XPR1: variants seen among roughly 807,000 people sequenced by gnomAD.
The protein encoded by XPR1 is solute carrier family 53 member 1.
In XPR1, 28 loss-of-function variants were observed where a neutral mutation model predicts 87.5. The ratio of observed to expected loss-of-function variants is 0.32; its 90% confidence interval spans 0.24 to 0.44. The LOEUF (loss-of-function observed/expected upper bound fraction) is 0.44, where lower values mean the gene tolerates loss of function less well. XPR1 is among the 20% of genes least tolerant of loss of function. XPR1 has a pLI of 1.00. For missense variants in XPR1, 559 were observed against 862.3 expected, an observed-to-expected ratio of 0.65 and a Z score of 4.41; for synonymous variants, 300 against 306.1, an observed-to-expected ratio of 0.98 and a Z score of 0.21.
At chr1:180,734,469 G>A (rs1276395385) in intron 2 of XPR1, among the ~76,000 whole-genome samples, 2 of 152,174 alleles carry the variant, frequency 1.3e-5, no homozygotes, top group East Asian at 3.9e-4. Flanking sequence ...TGAGGGGTCT[G>A]GCATCTTATT....
intron 2 of XPR1, among the ~76,000 whole-genome samples, chr1:180,710,465 C>G: frequency 6.6e-6 from 1 of 152,122 alleles, no homozygotes; most frequent in Non-Finnish European, 1.5e-5. Context: ...CGCCCTTAAT[C>G]CCTTTAACCC....
intron 2 of XPR1, among the ~76,000 whole-genome samples, chr1:180,705,553 T>C (rs1339207702): frequency 6.6e-6 from 1 of 152,234 alleles, no homozygotes; most frequent in African/African-American, 2.4e-5. Context: ...CAAAGGAATC[T>C]TTTGGCCATT....
intron 11 of XPR1, among the ~76,000 whole-genome samples, chr1:180,844,588 CA>C (rs1571889429): frequency 6.6e-6 from 1 of 152,146 alleles, no homozygotes; most frequent in Non-Finnish European, 1.5e-5. Context: ...TAAACCAACC[CA>C]AAACTCAGTA....
chr1:180,632,322 A>T (rs894029451), intron 1 of XPR1, 52 bp downstream of exon 1: 1 of 1,575,918 alleles, frequency 6.3e-7, no homozygotes, highest in Non-Finnish European at 8.6e-7. Context: ...CCATCTCGCC[A>T]GTCCTGACGT....
In XPR1 at chr1:180,890,201, A is replaced by G. The variant is rs769386776; in HGVS notation, c.*6135A>G. The G allele has an allele frequency of 3.3e-5, 5 of 152,242 alleles. No homozygotes were observed. Among genetic ancestry groups the G allele is most frequent in the Non-Finnish European group, 2.9e-5 (2 of 68,038 alleles). 9.4% of individuals were successfully genotyped at this position (152,242 alleles called of 1,614,324 possible). A position where few individuals can be genotyped will look rare whatever the true frequency, so the allele number is the denominator to read the frequency against. The stretch of plus-strand genomic sequence containing the variant: ...TTTTAAAGAAAATAAGTGATTGGTC[A>G]CTAAACTCTGTCCTTTTTTCATTAT... On this transcript the variant is annotated 3_prime_UTR_variant, in exon 15 of 15. Transcript: ENST00000367590.
chr1:180,877,717 T>C (rs1359173922), intron 13 of XPR1, among the ~76,000 whole-genome samples: 1 of 152,262 alleles, frequency 6.6e-6, no homozygotes, highest in East Asian at 1.9e-4. Context: ...TTATGTGTGA[T>C]ATACTTCTGT....
intron 2 of XPR1, among the ~76,000 whole-genome samples, chr1:180,753,334 G>C (rs1409130944): frequency 6.6e-6 from 1 of 152,172 alleles, no homozygotes; most frequent in Non-Finnish European, 1.5e-5. Context: ...GGAGGCCAGG[G>C]CTGGCGAATC....
chr1:180,829,151 G>T (rs1650966547), intron 9 of XPR1, among the ~76,000 whole-genome samples: 1 of 152,086 alleles, frequency 6.6e-6, no homozygotes. Context: ...AGCTGAAATT[G>T]TACCACTGCA....
chr1:180,737,398 T>C lies in XPR1; in HGVS notation c.122-50355T>C, dbSNP rs376668564. 9.7e-4 allele frequency among the ~76,000 whole-genome samples: 148 copies of C among 152,374 alleles called. 2 individuals are homozygous for C. The South Asian group carries it at 0.03, about 31-fold the overall frequency. The stretch of plus-strand genomic sequence containing the variant: ...ATATACTATTTTCCCTTCTTTATTT[T>C]ATTTTCCTCTTTGCTGGGAAATGGC... On this transcript the variant is annotated intron_variant, in intron 2 of 14. Coordinates refer to ENST00000367590, the MANE Select transcript of XPR1 (RefSeq NM_004736.4).
Position 180,676,419 on chromosome 1 carries a change from C to G in XPR1, c.70-5941C>G, listed in dbSNP as rs535023241. On this transcript the variant is annotated intron_variant, in intron 1 of 14. Transcript: ENST00000367590. Reference sequence around the variant, plus strand: ...TCCTATAATGGATTTATTTCTGTAACTATTCTCTGGCTGGACCAATTTTTC... The same window carrying G: ...TCCTATAATGGATTTATTTCTGTAAGTATTCTCTGGCTGGACCAATTTTTC... Among the ~76,000 whole-genome samples, 225 of 152,300 alleles carry G rather than the reference C, an allele frequency of 1.5e-3. 4 individuals are homozygous for G. In the Middle Eastern group the frequency reaches 0.048, roughly 32 times the overall value.
chr1:180,676,020 A>T (rs1247862017), intron 1 of XPR1, among the ~76,000 whole-genome samples: 1 of 152,168 alleles, frequency 6.6e-6, no homozygotes, highest in Admixed American at 6.5e-5. Flanking sequence ...ATTTGTCTTG[A>T]CTTAAACGAA....
At chr1:180,712,321 G>T (rs891006273) in intron 2 of XPR1, among the ~76,000 whole-genome samples, 1 of 152,174 alleles carries the variant, frequency 6.6e-6, no homozygotes, top group African/African-American at 2.4e-5. Context: ...CCTATACGAA[G>T]GGATGATTCT....
intron 2 of XPR1, among the ~76,000 whole-genome samples, chr1:180,781,507 TA>T (rs1324612328): frequency 1.3e-5 from 2 of 151,652 alleles, no homozygotes; most frequent in African/African-American, 2.4e-5. Context: ...ATTATTAGTA[TA>T]AAAATAAAAA....
At chr1:180,762,318 A>G (rs541583709) in intron 2 of XPR1, among the ~76,000 whole-genome samples, 3 of 152,236 alleles carry the variant, frequency 2.0e-5, no homozygotes, top group Non-Finnish European at 2.9e-5. Context: ...ATGTATGTAT[A>G]TTTTACCTCA....
intron 13 of XPR1, among the ~76,000 whole-genome samples, chr1:180,874,423 C>T (rs1489359741): frequency 6.6e-6 from 1 of 152,120 alleles, no homozygotes; most frequent in African/African-American, 2.4e-5. Flanking sequence ...GGTGCACTGG[C>T]TCACTCCTGT....
chr1:180,785,023 G>A (rs961681924), intron 2 of XPR1, among the ~76,000 whole-genome samples: 4 of 150,320 alleles, frequency 2.7e-5, no homozygotes, highest in African/African-American at 9.7e-5. Flanking sequence ...GTGTGTGTGT[G>A]TGTGTGTGTG....
intron 2 of XPR1, among the ~76,000 whole-genome samples, chr1:180,727,142 C>T (rs1198216168): frequency 6.6e-6 from 1 of 151,988 alleles, no homozygotes; most frequent in Non-Finnish European, 1.5e-5. Flanking sequence ...GGATTACAGG[C>T]GTGAGCCACC....
chr1:180,702,897 T>G (rs767255486), intron 2 of XPR1, among the ~76,000 whole-genome samples: 4 of 152,164 alleles, frequency 2.6e-5, no homozygotes, highest in Non-Finnish European at 4.4e-5. Context: ...CACCTCTGAT[T>G]TAACAGTCAC....
intron 11 of XPR1, among the ~76,000 whole-genome samples, chr1:180,845,421 C>T (rs1204821179): frequency 6.6e-6 from 1 of 152,232 alleles, no homozygotes; most frequent in African/African-American, 2.4e-5. Context: ...GAATAGCTTA[C>T]TTACAGTAAC....
Sources: gnomAD v4.1 joint callset for allele counts (sites outside exome capture counted in the v4.1 genomes callset) on GRCh38, gnomAD v4.1.1 for gene constraint, MANE v1.5 for transcripts, NCBI Gene and HGNC (gene_info 2026-07-23, HGNC 2026-07-21) for gene names.